Variants in ACYP2 observed in about 807,000 individuals in gnomAD.
ACYP2 encodes acylphosphatase-2.
Under a neutral mutation model 11.2 loss-of-function variants are expected in ACYP2, and 12 were observed. That is an observed-to-expected ratio of 1.08 (90% CI 0.69 to 1.74). ACYP2 has a LOEUF of 1.74. Ranked by LOEUF, ACYP2 falls within the 40% of genes most tolerant of loss-of-function variation. The pLI, the probability that ACYP2 is intolerant of heterozygous loss-of-function variation, is 0.00. For synonymous variants in ACYP2, 43 were observed against 32.2 expected (o/e 1.33, Z -1.13); for missense variants, 134 against 101.9 (o/e 1.31, Z -1.35).
chr2:54,202,055 A>T (rs1684860184), intron 6 of ACYP2, among the ~76,000 whole-genome samples: 1 of 150,126 alleles, frequency 6.7e-6, no homozygotes, highest in Non-Finnish European at 1.5e-5. Context: ...ACGTTTAGGT[A>T]TTCGATTCAT....
At chr2:54,176,088 G>A (rs781635020) in intron 6 of ACYP2, among the ~76,000 whole-genome samples, 45 of 152,274 alleles carry the variant, frequency 3.0e-4, no homozygotes, top group Admixed American at 1.1e-3. Flanking sequence ...ACCCAGAATT[G>A]TGAGCAATAT....
intron 4 of ACYP2, among the ~76,000 whole-genome samples, chr2:54,124,064 GT>G (rs1401253738): frequency 6.6e-6 from 1 of 152,078 alleles, no homozygotes; most frequent in African/African-American, 2.4e-5. Flanking sequence ...TACATTTGAT[GT>G]TTTTTTCCCA....
chr2:54,256,256 G>T (rs1426335255), intron 6 of ACYP2: 9 of 1,343,288 alleles, frequency 6.7e-6, no homozygotes, highest in Non-Finnish European at 8.2e-6. Flanking sequence ...CATTTGCGCC[G>T]CCCACTCTTC....
intron 2 of ACYP2, among the ~76,000 whole-genome samples, chr2:54,005,339 T>A (rs1232703281): frequency 7.2e-6 from 1 of 138,862 alleles, no homozygotes; most frequent in Non-Finnish European, 1.5e-5. Flanking sequence ...TTTATGAAAG[T>A]CTATTTTTTT....
At chr2:54,291,499 CCTT>C (rs1408539471) in intron 6 of ACYP2, among the ~76,000 whole-genome samples, 1 of 152,218 alleles carries the variant, frequency 6.6e-6, no homozygotes, top group East Asian at 1.9e-4. Flanking sequence ...ATTCCAAACT[CCTT>C]CTGGGGTCTT....
chr2:54,117,419 T>C (rs1679873274), intron 4 of ACYP2, among the ~76,000 whole-genome samples: 2 of 152,198 alleles, frequency 1.3e-5, no homozygotes, highest in African/African-American at 4.8e-5. Flanking sequence ...CTCAGCCTTC[T>C]AAGCAGCTGG....
At chr2:53,971,473 A>G (rs1671108825) in intron 1 of ACYP2, among the ~76,000 whole-genome samples, 1 of 152,158 alleles carries the variant, frequency 6.6e-6, no homozygotes, top group Non-Finnish European at 1.5e-5. Flanking sequence ...TTAAGTCCCC[A>G]TCTTTCTGGT....
At chr2:54,056,618 A>G (rs1171731217) in intron 3 of ACYP2, among the ~76,000 whole-genome samples, 1 of 152,208 alleles carries the variant, frequency 6.6e-6, no homozygotes, top group Non-Finnish European at 1.5e-5. Flanking sequence ...TTCAATCATG[A>G]CACATTCTGG....
At chr2:54,029,616 T>C in intron 2 of ACYP2, 1 of 377,808 alleles carries the variant, frequency 2.6e-6, no homozygotes, top group Non-Finnish European at 5.1e-6. Flanking sequence ...GGCTTCCTTC[T>C]TTTTCTGATC....
At chr2:54,047,743 G>A (rs1321940986) in intron 2 of ACYP2, among the ~76,000 whole-genome samples, 2 of 152,202 alleles carry the variant, frequency 1.3e-5, no homozygotes, top group African/African-American at 4.8e-5. Context: ...TATTTCTGAA[G>A]TTGAGAACAA....
At chr2:54,228,670 C>G (rs989280399) in intron 6 of ACYP2, among the ~76,000 whole-genome samples, 1 of 150,678 alleles carries the variant, frequency 6.6e-6, no homozygotes, top group Non-Finnish European at 1.5e-5. Context: ...GGAAGTGACC[C>G]AAATACTGAG....
chr2:54,138,067 C>T (rs981637480), intron 5 of ACYP2, among the ~76,000 whole-genome samples: 2 of 148,006 alleles, frequency 1.4e-5, no homozygotes, highest in Non-Finnish European at 3.0e-5. Flanking sequence ...GCTTCTTGGC[C>T]ACACATATGT....
intron 6 of ACYP2, among the ~76,000 whole-genome samples, chr2:54,263,050 G>A (rs959521048): frequency 6.6e-6 from 1 of 152,154 alleles, no homozygotes; most frequent in African/African-American, 2.4e-5. Context: ...GAGACCCTGT[G>A]TGTTAGGTCA....
Position 54,039,819 on chromosome 2 carries a change from TTGTGTGTGTGTG to T in ACYP2, c.63-11099_63-11088del, listed in dbSNP as rs751604890. Among the ~76,000 whole-genome samples the T allele has an allele frequency of 2.8e-3, 353 of 126,680 alleles. 3 individuals are homozygous for T. The highest frequency in any genetic ancestry group is 6.5e-3 in the African/African-American group (219 of 33,444). 83.1% of individuals were successfully genotyped at this position (126,680 alleles called of 152,430 possible). Reference sequence around the variant, plus strand: ...TTCTGTGTTTTATATTTGTTTTCTTTTGTGTGTGTGTGTGTGTGTGTGTGTGTGTGTGTGTGT... The same window carrying T: ...TTCTGTGTTTTATATTTGTTTTCTTTTGTGTGTGTGTGTGTGTGTGTGTGT... On this transcript the variant is annotated intron_variant, in intron 2 of 6. Transcript: ENST00000607452.
intron 6 of ACYP2, among the ~76,000 whole-genome samples, chr2:54,243,457 C>T (rs189940413): frequency 1.3e-5 from 2 of 152,274 alleles, no homozygotes; most frequent in East Asian, 3.9e-4. Context: ...GGACCATTGT[C>T]ATACATAGTC....
At chr2:54,061,175 G>A (rs925908693) in intron 4 of ACYP2, among the ~76,000 whole-genome samples, 1 of 152,172 alleles carries the variant, frequency 6.6e-6, no homozygotes, top group Non-Finnish European at 1.5e-5. Context: ...TATTTAGCTG[G>A]AAGTTCCTTA....
chr2:54,121,009 A>C (rs895470513), intron 4 of ACYP2, among the ~76,000 whole-genome samples: 3 of 152,162 alleles, frequency 2.0e-5, no homozygotes, highest in Non-Finnish European at 2.9e-5. Context: ...AAATGGGGGC[A>C]TGTTGGCACA....
At chr2:54,132,488 T>C (rs1329355155) in intron 4 of ACYP2, among the ~76,000 whole-genome samples, 1 of 152,154 alleles carries the variant, frequency 6.6e-6, no homozygotes, top group Non-Finnish European at 1.5e-5. Flanking sequence ...ACTTGTTGGG[T>C]ACCACAGTAT....
intron 6 of ACYP2, among the ~76,000 whole-genome samples, chr2:54,226,414 G>A (rs1686013610): frequency 6.6e-6 from 1 of 152,126 alleles, no homozygotes; most frequent in African/African-American, 2.4e-5. Flanking sequence ...GGCAGAGTCA[G>A]GAAAGACAAA....
Sources: gnomAD v4.1 joint callset for allele counts (sites outside exome capture counted in the v4.1 genomes callset) on GRCh38, gnomAD v4.1.1 for gene constraint, MANE v1.5 for transcripts, NCBI Gene and HGNC (gene_info 2026-07-23, HGNC 2026-07-21) for gene names.